The following RIC1 variants were observed in gnomAD, a reference collection of about 807,000 sequenced individuals.
RIC1 encodes the protein RIC1 partner of RAB6A GEF complex, also known as guanine nucleotide exchange factor subunit RIC1.
A neutral mutation model predicts 169.0 loss-of-function variants in RIC1; 88 were observed. The observed-to-expected ratio is 0.52, with a 90% CI of 0.44 to 0.62. RIC1 has a LOEUF of 0.62. Among genes scored for constraint, RIC1 ranks in the 20% least tolerant of loss-of-function variants. RIC1 has a pLI of 0.00. For missense variants in RIC1, 1,877 were observed against 1,725.5 expected (o/e 1.09, Z -1.56); for synonymous variants, 790 against 601.5 (o/e 1.31, Z -4.59).
At chr9:5,750,755 C>A (rs1825672800) in intron 12 of RIC1, among the ~76,000 whole-genome samples, 1 of 137,744 alleles carries the variant, frequency 7.3e-6, no homozygotes, top group African/African-American at 2.5e-5. Flanking sequence ...AGTGTGCTTT[C>A]ATGACCTGTT....
intron 2 of RIC1, among the ~76,000 whole-genome samples, chr9:5,669,052 C>G (rs1819944983): frequency 6.6e-6 from 1 of 152,180 alleles, no homozygotes; most frequent in Non-Finnish European, 1.5e-5. Flanking sequence ...TGCTGGGGTT[C>G]TGCTCCTTGA....
chr9:5,650,410 C>A (rs1586880019), intron 1 of RIC1, among the ~76,000 whole-genome samples: 2 of 152,038 alleles, frequency 1.3e-5, no homozygotes, highest in South Asian at 4.2e-4. Flanking sequence ...CCAGGTGGGC[C>A]TGTCTTCAGG....
At chr9:5,699,288 C>G (rs1822081520) in intron 3 of RIC1, among the ~76,000 whole-genome samples, 1 of 152,212 alleles carries the variant, frequency 6.6e-6, no homozygotes, top group Non-Finnish European at 1.5e-5. Context: ...GAATCAGCAT[C>G]TGCATGGCCC....
At chr9:5,756,091 T>G in intron 15 of RIC1, 121 bp from the exon 16 acceptor site, 1 of 512,800 alleles carries the variant, frequency 2.0e-6, no homozygotes, top group East Asian at 3.3e-5. Flanking sequence ...ATAGTTCTTT[T>G]AACTCCTGTT....
chr9:5,694,160 C>G (rs148625025), intron 3 of RIC1, among the ~76,000 whole-genome samples: 1 of 152,268 alleles, frequency 6.6e-6, no homozygotes, highest in African/African-American at 2.4e-5. Context: ...TTTTTAACTT[C>G]AACACAACTT....
chr9:5,672,021 G>C (rs551588422), intron 2 of RIC1, among the ~76,000 whole-genome samples: 84 of 152,312 alleles, frequency 5.5e-4, no homozygotes, highest in Non-Finnish European at 8.4e-4. Context: ...TAGAGTAGAG[G>C]TTGCACAGGT....
chr9:5,671,679 T>C (rs2130570429), intron 2 of RIC1, among the ~76,000 whole-genome samples: 1 of 152,348 alleles, frequency 6.6e-6, no homozygotes, highest in African/African-American at 2.4e-5. Context: ...TGGTTTAAGT[T>C]AATTTCTAAA....
At chr9:5,741,479 A>C (rs570749906) in intron 8 of RIC1, among the ~76,000 whole-genome samples, 1 of 152,224 alleles carries the variant, frequency 6.6e-6, no homozygotes, top group Admixed American at 6.5e-5. Flanking sequence ...TCTTAACCTA[A>C]CTTTAAATTT....
intron 4 of RIC1, among the ~76,000 whole-genome samples, chr9:5,719,748 T>C (rs1277500549): frequency 2.6e-5 from 4 of 152,220 alleles, no homozygotes; most frequent in South Asian, 2.1e-4. Flanking sequence ...AGCACAGATA[T>C]AGAACATTTC....
chr9:5,671,279 T>A (rs1049653420), intron 2 of RIC1, among the ~76,000 whole-genome samples: 2 of 150,726 alleles, frequency 1.3e-5, no homozygotes, highest in Non-Finnish European at 3.0e-5. Flanking sequence ...TTATTATTTT[T>A]TTTTTTTTGA....
chr9:5,671,282 T>A (rs1383916847), intron 2 of RIC1, among the ~76,000 whole-genome samples: 3 of 150,810 alleles, frequency 2.0e-5, no homozygotes, highest in Non-Finnish European at 4.4e-5. Context: ...TTATTTTTTT[T>A]TTTTTGAGAC....
At chr9:5,649,287 C>G (rs1391402888) in intron 1 of RIC1, among the ~76,000 whole-genome samples, 1 of 152,166 alleles carries the variant, frequency 6.6e-6, no homozygotes, top group Non-Finnish European at 1.5e-5. Context: ...TCCATTGGTT[C>G]TTTTTCTGCT....
intron 12 of RIC1, among the ~76,000 whole-genome samples, chr9:5,750,353 A>G (rs1825648928): frequency 6.6e-6 from 1 of 151,880 alleles, no homozygotes; most frequent in South Asian, 2.1e-4. Flanking sequence ...TAGCTTGGCT[A>G]TTTAGAAAGA....
chr9:5,693,482 A>T (rs1220072578), intron 3 of RIC1, among the ~76,000 whole-genome samples: 1 of 152,152 alleles, frequency 6.6e-6, no homozygotes, highest in Non-Finnish European at 1.5e-5. Context: ...CTCAAAGATC[A>T]TTTATTCTTT....
At chr9:5,700,456 G>T (rs947577550) in intron 3 of RIC1, among the ~76,000 whole-genome samples, 15 of 152,008 alleles carry the variant, frequency 9.9e-5, no homozygotes, top group African/African-American at 3.4e-4. Context: ...AATAATAACT[G>T]TAGCTCAAAC....
At chr9:5,743,831 G>T (rs1037928596) in intron 10 of RIC1, 94 bp downstream of exon 10, 2 of 974,450 alleles carry the variant, frequency 2.1e-6, no homozygotes, top group African/African-American at 1.6e-5. Flanking sequence ...AATTTTTTGA[G>T]ACAGGGTCTT....
intron 3 of RIC1, among the ~76,000 whole-genome samples, chr9:5,707,933 G>GT (rs1380679839): frequency 6.6e-6 from 1 of 152,034 alleles, no homozygotes; most frequent in Non-Finnish European, 1.5e-5. Context: ...TATTATGTCT[G>GT]TATCTTTTTT....
At chr9:5,643,384 T>C (rs1818344981) in intron 1 of RIC1, among the ~76,000 whole-genome samples, 1 of 152,222 alleles carries the variant, frequency 6.6e-6, no homozygotes, top group Admixed American at 6.5e-5. Flanking sequence ...TCTATATGAA[T>C]GACTGTATAC....
At chr9:5,729,145 C>G (rs116617248) in intron 6 of RIC1, among the ~76,000 whole-genome samples, 3 of 152,146 alleles carry the variant, frequency 2.0e-5, no homozygotes, top group African/African-American at 4.8e-5. Context: ...GTTAAGCTAG[C>G]GGGTCCAAAT....
Sources: allele counts gnomAD v4.1 joint callset (sites outside exome capture counted in the v4.1 genomes callset), GRCh38; gene constraint gnomAD v4.1.1; transcripts MANE v1.5; gene names NCBI Gene and HGNC (gene_info 2026-07-23, HGNC 2026-07-21).